PDS5B: variants seen among roughly 807,000 people sequenced by gnomAD.
PDS5B encodes sister chromatid cohesion protein PDS5 homolog B.
PDS5B carries 51 observed loss-of-function variants against 184.1 expected under a neutral mutation model. That is an observed-to-expected ratio of 0.28 (90% confidence interval 0.22 to 0.35). The LOEUF is 0.35. Among genes scored for constraint, PDS5B ranks in the 10% least tolerant of loss-of-function variants. PDS5B has a pLI of 1.00. For missense variants in PDS5B, 1,180 were observed against 1,723.3 expected (o/e 0.68, Z 5.58); for synonymous variants, 566 against 569.2 (o/e 0.99, Z 0.08).
At chr13:32,659,916 G>C (rs1294577142) in intron 6 of PDS5B, among the ~76,000 whole-genome samples, 1 of 152,136 alleles carries the variant, frequency 6.6e-6, no homozygotes, top group Non-Finnish European at 1.5e-5. Flanking sequence ...TGTAGAGACT[G>C]ACATGAATAA....
intron 23 of PDS5B, among the ~76,000 whole-genome samples, chr13:32,744,300 G>A (rs2140979094): frequency 6.6e-6 from 1 of 152,212 alleles, no homozygotes; most frequent in Non-Finnish European, 1.5e-5. Context: ...CTTATGCTGT[G>A]TTTTGTGGAA....
chr13:32,762,611 A>G (rs1196683547), intron 30 of PDS5B, among the ~76,000 whole-genome samples: 1 of 152,080 alleles, frequency 6.6e-6, no homozygotes, highest in Admixed American at 6.6e-5. Flanking sequence ...TGAATTCCTT[A>G]TTATAATCAA....
intron 19 of PDS5B, among the ~76,000 whole-genome samples, chr13:32,718,540 A>G (rs1441938454): frequency 6.6e-6 from 1 of 152,232 alleles, no homozygotes; most frequent in Non-Finnish European, 1.5e-5. Flanking sequence ...AATAGGCAGC[A>G]TCATGTAAAA....
chr13:32,637,513 C>A (rs1384444346), intron 1 of PDS5B, among the ~76,000 whole-genome samples: 1 of 151,956 alleles, frequency 6.6e-6, no homozygotes, highest in Non-Finnish European at 1.5e-5. Context: ...GTTAAGTAGA[C>A]AATTGTATGT....
At chr13:32,709,254 T>C (rs575530150) in intron 18 of PDS5B, among the ~76,000 whole-genome samples, 1 of 152,186 alleles carries the variant, frequency 6.6e-6, no homozygotes, top group East Asian at 1.9e-4. Flanking sequence ...TTTTGTTGTT[T>C]TTATTTTTTA....
chr13:32,632,754 A>G (rs1200463568), intron 1 of PDS5B, among the ~76,000 whole-genome samples: 2 of 152,250 alleles, frequency 1.3e-5, no homozygotes, highest in African/African-American at 4.8e-5. Context: ...GTCCACTAGC[A>G]GAAGAATGGA....
At chr13:32,711,946 A>C (rs766156374) in intron 19 of PDS5B, among the ~76,000 whole-genome samples, 1 of 152,222 alleles carries the variant, frequency 6.6e-6, no homozygotes, top group Non-Finnish European at 1.5e-5. Context: ...TGAGGAATCT[A>C]ATGTTCAAGT....
intron 1 of PDS5B, among the ~76,000 whole-genome samples, chr13:32,608,080 C>T (rs142973669): frequency 3.3e-5 from 5 of 152,202 alleles, no homozygotes; most frequent in Admixed American, 6.5e-5. Context: ...GAGATGAACC[C>T]GGTACCTCAG....
chr13:32,677,611 G>A (rs1001467923), intron 9 of PDS5B, among the ~76,000 whole-genome samples: 7 of 152,050 alleles, frequency 4.6e-5, no homozygotes, highest in South Asian at 2.1e-4. Context: ...CACTCAGGAA[G>A]CTGTATGGGA....
At chr13:32,707,621 G>A (rs907478796) in intron 18 of PDS5B, among the ~76,000 whole-genome samples, 3 of 141,912 alleles carry the variant, frequency 2.1e-5, no homozygotes, top group Non-Finnish European at 4.6e-5. Context: ...TTTTAAGAGT[G>A]TCTAAAGCAG....
chr13:32,759,738 A>C (rs7988089), intron 29 of PDS5B, 48 bp downstream of exon 29: 389,983 of 955,852 alleles, frequency 0.41, 82,608 homozygotes, highest in Non-Finnish European at 0.45. Context: ...CTTATTTTAG[A>C]GTGATTATTG....
intron 19 of PDS5B, among the ~76,000 whole-genome samples, chr13:32,723,115 C>CACTATACATAT (rs1394682966): frequency 3.9e-5 from 6 of 152,174 alleles, no homozygotes; most frequent in African/African-American, 1.4e-4. Flanking sequence ...TATAGCCATA[C>CACTATACATAT]ACTATACATA....
chr13:32,775,095 A>AAAATTTT lies in PDS5B; in HGVS notation c.*43_*44insAAATTTT. On this transcript the variant is annotated 3_prime_UTR_variant, in exon 35 of 35. Transcript: ENST00000315596. ...CTTTCTCTGTGAAAGCTTTGGAAAA[A>AAAATTTT]TCTTTTTTTTTTTTTTTGGTCAAGC... 1.8e-6 allele frequency: 1 copy of AAAATTTT among 547,628 alleles called. No homozygotes were observed. Among genetic ancestry groups the AAAATTTT allele is most frequent in the Non-Finnish European group, 2.6e-6 (1 of 388,742 alleles). 33.9% of individuals were successfully genotyped at this position (547,628 alleles called of 1,614,324 possible).
At chr13:32,598,096 G>T (rs962881841) in intron 1 of PDS5B, among the ~76,000 whole-genome samples, 11 of 152,110 alleles carry the variant, frequency 7.2e-5, no homozygotes, top group Middle Eastern at 3.4e-3. Context: ...TACTTTTTGA[G>T]ATGGAGTCTC....
intron 6 of PDS5B, among the ~76,000 whole-genome samples, chr13:32,667,546 A>C (rs1304163842): frequency 1.3e-5 from 2 of 152,204 alleles, no homozygotes; most frequent in East Asian, 3.8e-4. Context: ...GTTATGAACA[A>C]AATAGGAAGA....
At chr13:32,762,736 CT>C (rs2141019548) in intron 30 of PDS5B, among the ~76,000 whole-genome samples, 1 of 152,102 alleles carries the variant, frequency 6.6e-6, no homozygotes, top group South Asian at 2.1e-4. Context: ...ATGTTTTGTA[CT>C]TCTCTTTTTA....
In PDS5B at chr13:32,663,985, C is replaced by T. The variant is rs114231820; in HGVS notation, c.625-3779C>T. Among the ~76,000 whole-genome samples the T allele has an allele frequency of 3.9e-3, 589 of 152,278 alleles. 5 individuals are homozygous for T. The highest frequency in any genetic ancestry group is 0.013 in the African/African-American group (558 of 41,562). On this transcript the variant is annotated intron_variant, in intron 6 of 34. Coordinates refer to ENST00000315596, the MANE Select transcript of PDS5B (RefSeq NM_015032.4). ...AACACACAGTATTTGGTTTCCCATT[C>T]CTGAGTTACTTCACTTAGAATAATG... is the stretch of plus-strand genomic sequence containing the variant.
chr13:32,770,232 A>C lies in PDS5B; in HGVS notation c.3736A>C (p.Ser1246Arg). Residue 1246 changes from serine to arginine, a missense_variant, in exon 32 of 35, where the codon AGT (serine) becomes CGT (arginine). Ser to Arg is a moderately radical substitution (Grantham distance 110). Transcript: ENST00000315596. ...GGTACAGGAACAGAAACCTAAAGGCAGTCAGCGAAGTCGGAAAAGAGGCCA... is the reference window on the plus strand; with the variant it reads ...GGTACAGGAACAGAAACCTAAAGGCCGTCAGCGAAGTCGGAAAAGAGGCCA... Reference protein sequence around the residue: ...KLVQEQKPKGSQRSRKRGHTA... With the variant: ...KLVQEQKPKGRQRSRKRGHTA... The C allele has an allele frequency of 6.2e-7, 1 of 1,614,096 alleles. No homozygotes were observed. Among genetic ancestry groups the C allele is most frequent in the Non-Finnish European group, 8.5e-7 (1 of 1,180,000 alleles).
intron 19 of PDS5B, among the ~76,000 whole-genome samples, chr13:32,720,483 C>T (rs1952632793): frequency 6.6e-6 from 1 of 152,070 alleles, no homozygotes; most frequent in Non-Finnish European, 1.5e-5. Flanking sequence ...ACAAACTATA[C>T]TAGGTATAAA....
Sources: gnomAD v4.1 joint callset for allele counts (sites outside exome capture counted in the v4.1 genomes callset) on GRCh38, gnomAD v4.1.1 for gene constraint, MANE v1.5 for transcripts, NCBI Gene and HGNC (gene_info 2026-07-23, HGNC 2026-07-21) for gene names.